The following ZNF385D variants were observed in gnomAD, a reference collection of about 807,000 sequenced individuals.
ZNF385D encodes the protein zinc finger protein 385D.
In ZNF385D, 15 loss-of-function variants were observed where a neutral mutation model predicts 35.8. The ratio of observed to expected loss-of-function variants is 0.42; its 90% CI spans 0.28 to 0.64. The LOEUF is 0.64. ZNF385D is among the 30% of genes least tolerant of loss of function. The pLI, the probability that ZNF385D is intolerant of heterozygous loss-of-function variation, is 0.23. For synonymous variants in ZNF385D, 212 were observed against 186.8 expected, an observed-to-expected ratio of 1.13 and a Z score of -1.10; for missense variants, 474 against 494.6, an observed-to-expected ratio of 0.96 and a Z score of 0.39.
At chr3:22,162,185 A>T (rs1288900817) in intron 3 of ZNF385D, among the ~76,000 whole-genome samples, 1 of 152,166 alleles carries the variant, frequency 6.6e-6, no homozygotes, top group South Asian at 2.1e-4. Flanking sequence ...TTGCACAATA[A>T]AACACATTGT....
chr3:21,688,123 T>A (rs1227990274), intron 1 of ZNF385D, among the ~76,000 whole-genome samples: 6 of 152,124 alleles, frequency 3.9e-5, no homozygotes, highest in African/African-American at 1.4e-4. Flanking sequence ...CTACTATTAT[T>A]TTTGGTGCCT....
intron 3 of ZNF385D, among the ~76,000 whole-genome samples, chr3:21,818,099 G>A (rs1410395196): frequency 1.3e-5 from 2 of 151,096 alleles, no homozygotes; most frequent in Non-Finnish European, 2.9e-5. Flanking sequence ...AACACCGCAT[G>A]TTCTCACTCA....
At chr3:22,244,181 G>A (rs985993790) in intron 2 of ZNF385D, among the ~76,000 whole-genome samples, 1 of 150,110 alleles carries the variant, frequency 6.7e-6, no homozygotes, top group African/African-American at 2.5e-5. Context: ...TTTAAAAAAA[G>A]CCATTATTAA....
intron 3 of ZNF385D, among the ~76,000 whole-genome samples, chr3:21,902,997 C>A (rs892332979): frequency 2.6e-5 from 4 of 152,152 alleles, no homozygotes; most frequent in Non-Finnish European, 5.9e-5. Flanking sequence ...GACCACAACT[C>A]AAACTTCACC....
At chr3:22,152,024 G>A (rs994901623) in intron 3 of ZNF385D, among the ~76,000 whole-genome samples, 2 of 151,996 alleles carry the variant, frequency 1.3e-5, no homozygotes, top group Non-Finnish European at 2.9e-5. Flanking sequence ...CCTTCAAGTA[G>A]GGTTCAGGGT....
At chr3:22,318,560 G>C (rs528577308) in intron 2 of ZNF385D, among the ~76,000 whole-genome samples, 1 of 152,104 alleles carries the variant, frequency 6.6e-6, no homozygotes, top group Admixed American at 6.5e-5. Flanking sequence ...ATGAATTAGC[G>C]CTTAGTGAAT....
chr3:21,581,256 C>T (rs1248648095), intron 2 of ZNF385D, among the ~76,000 whole-genome samples: 1 of 152,158 alleles, frequency 6.6e-6, no homozygotes, highest in Non-Finnish European at 1.5e-5. Flanking sequence ...AAGGCTCTTT[C>T]CTTTCTTCAG....
At chr3:22,156,623 A>G (rs1705602400) in intron 3 of ZNF385D, among the ~76,000 whole-genome samples, 1 of 152,126 alleles carries the variant, frequency 6.6e-6, no homozygotes, top group South Asian at 2.1e-4. Context: ...ATACAAACAG[A>G]TGGTCATGAA....
chr3:22,281,818 A>ACC (rs1291922537), intron 2 of ZNF385D, among the ~76,000 whole-genome samples: 1 of 152,068 alleles, frequency 6.6e-6, no homozygotes, highest in Non-Finnish European at 1.5e-5. Context: ...TAGGATTGGT[A>ACC]CCAATTGTTT....
intron 2 of ZNF385D, among the ~76,000 whole-genome samples, chr3:22,309,586 C>G (rs907512510): frequency 6.6e-6 from 1 of 151,784 alleles, no homozygotes; most frequent in South Asian, 2.1e-4. Context: ...AAAACATGGC[C>G]AGGTCTAGAA....
intron 3 of ZNF385D, among the ~76,000 whole-genome samples, chr3:21,760,100 A>G (rs1040690576): frequency 4.6e-5 from 7 of 152,186 alleles, no homozygotes; most frequent in Admixed American, 2.6e-4. Context: ...CATTCTTTTC[A>G]TTATCTCTCA....
At chr3:21,860,519 G>T (rs372232997) in intron 3 of ZNF385D, among the ~76,000 whole-genome samples, 1 of 152,204 alleles carries the variant, frequency 6.6e-6, no homozygotes, top group East Asian at 1.9e-4. Flanking sequence ...AGTGAGATAA[G>T]TACAGATATC....
chr3:22,339,423 G>A (rs1559528925), intron 2 of ZNF385D, among the ~76,000 whole-genome samples: 1 of 152,120 alleles, frequency 6.6e-6, no homozygotes, highest in Non-Finnish European at 1.5e-5. Context: ...TATGCTAGGT[G>A]CTGAATATTT....
intron 4 of ZNF385D, among the ~76,000 whole-genome samples, chr3:21,462,412 T>C (rs963367296): frequency 2.0e-5 from 3 of 152,156 alleles, no homozygotes; most frequent in Admixed American, 6.5e-5. Flanking sequence ...ATGATGTTAC[T>C]TGCAATTAAG....
intron 3 of ZNF385D, among the ~76,000 whole-genome samples, chr3:21,777,976 C>G (rs927775674): frequency 2.8e-4 from 42 of 151,816 alleles, no homozygotes; most frequent in Non-Finnish European, 5.2e-4. Context: ...CTTGATCAAA[C>G]AGACCCCAGA....
intron 2 of ZNF385D, among the ~76,000 whole-genome samples, chr3:21,578,442 A>G (rs191366207): frequency 1.1e-4 from 17 of 152,228 alleles, no homozygotes; most frequent in Admixed American, 5.9e-4. Flanking sequence ...TTTACTTCTA[A>G]TAGAGTTATA....
intron 2 of ZNF385D, among the ~76,000 whole-genome samples, chr3:21,612,148 G>A (rs1362115064): frequency 2.0e-5 from 3 of 152,070 alleles, no homozygotes; most frequent in South Asian, 4.1e-4. Context: ...GCATGATCTC[G>A]GCTCAGTGCA....
intron 3 of ZNF385D, among the ~76,000 whole-genome samples, chr3:21,551,593 T>G (rs1264409674): frequency 2.6e-5 from 4 of 152,184 alleles, no homozygotes; most frequent in African/African-American, 9.7e-5. Flanking sequence ...CATGTAGTCT[T>G]TCAAAGGCAC....
intron 4 of ZNF385D, among the ~76,000 whole-genome samples, chr3:21,494,423 G>C: frequency 6.6e-6 from 1 of 152,266 alleles, no homozygotes; most frequent in African/African-American, 2.4e-5. Context: ...ACTACCTTGA[G>C]TAATATAGCA....
Sources: allele counts gnomAD v4.1 joint callset (sites outside exome capture counted in the v4.1 genomes callset), GRCh38; gene constraint gnomAD v4.1.1; transcripts MANE v1.5; gene names NCBI Gene and HGNC (gene_info 2026-07-23, HGNC 2026-07-21).